The following SAMD5 variants were observed in gnomAD, a reference collection of about 807,000 sequenced individuals.
SAMD5 encodes the protein sterile alpha motif domain containing 5.
SAMD5 carries 13 observed loss-of-function variants against 11.3 expected under a neutral mutation model. The observed-to-expected ratio is 1.15, with a 90% confidence interval of 0.75 to 1.83. The LOEUF is 1.83. Ranked by LOEUF, SAMD5 falls within the 40% of genes most tolerant of loss-of-function variation. The probability of loss-of-function intolerance (pLI) is 0.00; values close to 1 mark genes in which losing one functional copy is unlikely to be tolerated. For missense variants in SAMD5, 255 were observed against 239.1 expected, an observed-to-expected ratio of 1.07 and a Z score of -0.44; for synonymous variants, 129 against 111.3, an observed-to-expected ratio of 1.16 and a Z score of -1.00.
the SAMD5 span, among the ~76,000 whole-genome samples, chr6:147,838,224 G>T: frequency 2.0e-5 from 3 of 152,056 alleles, no homozygotes; most frequent in Non-Finnish European, 4.4e-5. Flanking sequence ...CAAAACTATG[G>T]AACTGTTGAG....
At chr6:147,628,624 C>T (rs1008707367) in intron 1 of SAMD5, among the ~76,000 whole-genome samples, 4 of 152,094 alleles carry the variant, frequency 2.6e-5, no homozygotes, top group South Asian at 2.1e-4. Flanking sequence ...TAAATCAATG[C>T]TTTTCAACAA....
the SAMD5 span, among the ~76,000 whole-genome samples, chr6:147,825,467 C>A: frequency 2.6e-5 from 4 of 152,102 alleles, no homozygotes; most frequent in African/African-American, 9.7e-5. Flanking sequence ...TAATTTGGTT[C>A]TTGGCATATT....
the SAMD5 span, among the ~76,000 whole-genome samples, chr6:147,866,111 A>AT: frequency 1.0e-4 from 15 of 150,134 alleles, no homozygotes; most frequent in Admixed American, 1.3e-4. Context: ...GTGAGCTGAA[A>AT]TTTTTTTTTT....
intron 1 of SAMD5, among the ~76,000 whole-genome samples, chr6:147,563,555 C>G (rs1235404580): frequency 1.3e-5 from 2 of 152,194 alleles, no homozygotes; most frequent in African/African-American, 4.8e-5. Context: ...TCTTCTTTGT[C>G]CATCTAGATC....
intron 1 of SAMD5, among the ~76,000 whole-genome samples, chr6:147,634,096 GTC>G (rs1348412629): frequency 6.6e-6 from 1 of 152,082 alleles, no homozygotes; most frequent in Non-Finnish European, 1.5e-5. Context: ...AGTCTTTTGT[GTC>G]TGCTTTATTT....
chr6:147,888,509 A>G, the SAMD5 span, among the ~76,000 whole-genome samples: 1 of 152,030 alleles, frequency 6.6e-6, no homozygotes, highest in African/African-American at 2.4e-5. Context: ...TTTAGTTTGC[A>G]TTGTTTCCAA....
chr6:147,881,671 G>A, the SAMD5 span, among the ~76,000 whole-genome samples: 25 of 152,194 alleles, frequency 1.6e-4, no homozygotes, highest in South Asian at 6.2e-4. Context: ...ATCTCAATTC[G>A]GCAGTGTCTG....
the SAMD5 span, among the ~76,000 whole-genome samples, chr6:147,884,554 G>A: frequency 2.6e-5 from 4 of 152,260 alleles, no homozygotes; most frequent in East Asian, 3.9e-4. Flanking sequence ...ATTCTCTAAA[G>A]CACAGGTAAT....
chr6:147,870,408 T>C, the SAMD5 span, among the ~76,000 whole-genome samples: 7 of 151,696 alleles, frequency 4.6e-5, no homozygotes, highest in African/African-American at 1.7e-4. Context: ...ACAGAAGCAC[T>C]CTATTTTCCC....
chr6:147,874,856 A>G, the SAMD5 span, among the ~76,000 whole-genome samples: 1 of 151,964 alleles, frequency 6.6e-6, no homozygotes, highest in Non-Finnish European at 1.5e-5. Context: ...TATAGTGACA[A>G]ATTACGTCTG....
At chr6:147,520,855 C>G (rs370216334) in intron 1 of SAMD5, among the ~76,000 whole-genome samples, 8 of 152,188 alleles carry the variant, frequency 5.3e-5, no homozygotes, top group African/African-American at 1.9e-4. Context: ...CACATACTTA[C>G]GTTTTAATGA....
At chr6:147,538,803 T>G (rs771773824) in intron 1 of SAMD5, among the ~76,000 whole-genome samples, 21 of 152,366 alleles carry the variant, frequency 1.4e-4, no homozygotes, top group Middle Eastern at 3.4e-3. Context: ...CTAATAATTT[T>G]TAAAACTGTC....
rs149188859 is a variant in SAMD5, at chr6:147,708,091, A to AT, written c.163-29224dup. Among the ~76,000 whole-genome samples, 1,088 of 152,276 alleles carry AT rather than the reference A, an allele frequency of 7.1e-3. 7 individuals are homozygous for AT. Among genetic ancestry groups the AT allele is most frequent in the Middle Eastern group, 0.031 (9 of 294 alleles). On this transcript the variant is annotated intron_variant, in intron 1 of 1. Coordinates refer to the SAMD5 transcript ENST00000566741. ...CAGATCTCCTTTCCCAAATTCATAC[A>AT]TTGAAATCCTAACCCCAGAACCTCA...
intron 1 of SAMD5, among the ~76,000 whole-genome samples, chr6:147,656,221 A>G (rs1255552133): frequency 6.6e-6 from 1 of 152,214 alleles, no homozygotes; most frequent in Non-Finnish European, 1.5e-5. Context: ...GAAAAGAAAT[A>G]ACACTATACA....
chr6:147,749,045 T>A, the SAMD5 span, among the ~76,000 whole-genome samples: 8 of 152,262 alleles, frequency 5.3e-5, no homozygotes, highest in African/African-American at 1.9e-4. Context: ...AATGATATTT[T>A]CATGCTAATA....
rs914989225 is a variant in SAMD5, at chr6:147,549,603, C to T, written c.460-14791C>T. 3.9e-5 allele frequency among the ~76,000 whole-genome samples: 6 copies of T among 152,200 alleles called. No homozygotes were observed. The South Asian group carries it at 6.2e-4, about 16-fold the overall frequency. On this transcript the variant is annotated intron_variant, in intron 1 of 1. Coordinates refer to ENST00000367474, the MANE Select transcript of SAMD5 (RefSeq NM_001030060.3). ...CAGCCAACCCCTTCACACATCGCGT[C>T]GGTTTTGGGCTTTCCTTCTTTGTTT...
chr6:147,524,543 T>A (rs1788306838), intron 1 of SAMD5, among the ~76,000 whole-genome samples: 1 of 148,642 alleles, frequency 6.7e-6, no homozygotes, highest in Non-Finnish European at 1.5e-5. Flanking sequence ...TAATTTGACT[T>A]CTTCTTCATT....
chr6:147,641,076 C>T (rs1790305515), intron 1 of SAMD5, among the ~76,000 whole-genome samples: 1 of 152,166 alleles, frequency 6.6e-6, no homozygotes, highest in Admixed American at 6.5e-5. Flanking sequence ...AATGGTTGGA[C>T]ACTGATGGAT....
At chr6:147,591,276 G>T (rs1789449955) in intron 1 of SAMD5, among the ~76,000 whole-genome samples, 1 of 152,182 alleles carries the variant, frequency 6.6e-6, no homozygotes, top group Admixed American at 6.5e-5. Flanking sequence ...TGGTTTCAGT[G>T]TATAACTCAA....
Sources: gnomAD v4.1 joint callset for allele counts (sites outside exome capture counted in the v4.1 genomes callset) on GRCh38, gnomAD v4.1.1 for gene constraint, MANE v1.5 for transcripts, NCBI Gene and HGNC (gene_info 2026-07-23, HGNC 2026-07-21) for gene names.